ANK1: variants seen among roughly 807,000 people sequenced by gnomAD.
The protein encoded by ANK1 is ankyrin 1.
ANK1 carries 51 observed loss-of-function variants against 210.4 expected under a neutral mutation model. The observed-to-expected ratio is 0.24, with a 90% CI of 0.19 to 0.31. The LOEUF (loss-of-function observed/expected upper bound fraction) is 0.31. Ranked by LOEUF, ANK1 falls within the 10% of genes least tolerant of loss-of-function variation. The probability of loss-of-function intolerance (pLI) is 1.00; values close to 1 mark genes in which losing one functional copy is unlikely to be tolerated. For missense variants in ANK1, 2,051 were observed against 2,504.4 expected (o/e 0.82, Z 3.86); for synonymous variants, 967 against 1,025.9 (o/e 0.94, Z 1.10).
At chr8:41,896,372 G>A (rs531809537) in exon 1 of ANK1, 1 of 1,598,232 alleles carries the variant, frequency 6.3e-7, no homozygotes, top group Non-Finnish European at 8.5e-7. Flanking sequence ...TTTCGGTCAC[G>A]GGAGCGGTTT....
intron 17 of ANK1, 111 bp downstream of exon 17, chr8:41,708,667 T>TAC (rs199529192): frequency 5.7e-5 from 68 of 1,184,550 alleles, no homozygotes; most frequent in Non-Finnish European, 7.2e-5. Flanking sequence ...TTCCAAGGAT[T>TAC]ACACACACAC....
At chr8:41,823,023 T>G (rs915390111) in intron 1 of ANK1, among the ~76,000 whole-genome samples, 2 of 152,236 alleles carry the variant, frequency 1.3e-5, no homozygotes, top group Non-Finnish European at 2.9e-5. Flanking sequence ...CAGGCTGCTC[T>G]GAGCATGAGC....
intron 17 of ANK1, among the ~76,000 whole-genome samples, chr8:41,706,589 T>C (rs1391589289): frequency 1.3e-5 from 2 of 152,260 alleles, no homozygotes; most frequent in African/African-American, 4.8e-5. Context: ...GCCCATAGTT[T>C]GCTGACTTCT....
At chr8:41,761,545 C>A (rs1488730187) in intron 1 of ANK1, among the ~76,000 whole-genome samples, 1 of 152,182 alleles carries the variant, frequency 6.6e-6, no homozygotes, top group Non-Finnish European at 1.5e-5. Context: ...GAGTGTGTCC[C>A]TGTGGAGGCC....
chr8:41,714,326 T>A, intron 15 of ANK1, 72 bp from the exon 16 acceptor site: 1 of 1,171,180 alleles, frequency 8.5e-7, no homozygotes, highest in Non-Finnish European at 1.2e-6. Context: ...CCTTTAGGCA[T>A]GGGAGCACCT....
rs1025984278 is a variant in ANK1, at chr8:41,886,851, A to C, written c.126+9504T>G. Among the ~76,000 whole-genome samples, 4 of 152,174 alleles carry C rather than the reference A, an allele frequency of 2.6e-5. No homozygotes were observed. In the South Asian group the frequency reaches 8.3e-4, roughly 32 times the overall value. On this transcript the variant is annotated intron_variant, in intron 1 of 42. Transcript: ENST00000265709. ...AGCCACTGAAGGACTGAAAGAAGGGAGTGTCAGGATCTGATTTGCATTTTT... is the reference window on the plus strand; with the variant it reads ...AGCCACTGAAGGACTGAAAGAAGGGCGTGTCAGGATCTGATTTGCATTTTT...
intron 1 of ANK1, among the ~76,000 whole-genome samples, chr8:41,774,506 G>C (rs2150738535): frequency 6.6e-6 from 1 of 152,314 alleles, no homozygotes; most frequent in African/African-American, 2.4e-5. Context: ...CCCATCCCAG[G>C]GCCAGGGCCG....
chr8:41,730,597 A>G (rs1166658254), intron 3 of ANK1, among the ~76,000 whole-genome samples: 1 of 151,328 alleles, frequency 6.6e-6, no homozygotes, highest in Admixed American at 6.6e-5. Flanking sequence ...TTCCTCAGGT[A>G]TCCATTGGAG....
chr8:41,684,360 T>C, intron 37 of ANK1, 184 bp downstream of exon 37: 1 of 990,732 alleles, frequency 1.0e-6, no homozygotes, highest in East Asian at 2.4e-5. Flanking sequence ...GGAGCAGCCA[T>C]CTCTCTCTCC....
chr8:41,842,337 CA>C (rs374896854), intron 1 of ANK1, among the ~76,000 whole-genome samples: 28 of 152,134 alleles, frequency 1.8e-4, no homozygotes, highest in African/African-American at 6.7e-4. Flanking sequence ...ACTAAAAATA[CA>C]AAAAATTAGC....
upstream of ANK1, among the ~76,000 whole-genome samples, chr8:41,798,540 C>A (rs971007964): frequency 6.6e-6 from 1 of 152,200 alleles, no homozygotes; most frequent in Non-Finnish European, 1.5e-5. Context: ...CCGCCTTTTG[C>A]AACGTCCGCC....
intron 1 of ANK1, among the ~76,000 whole-genome samples, chr8:41,808,313 T>C (rs958285580): frequency 6.6e-6 from 1 of 152,178 alleles, no homozygotes; most frequent in African/African-American, 2.4e-5. Context: ...TGGAGTAAGA[T>C]GGTCTCAGTC....
chr8:41,800,026 A>T (rs1849616375), upstream of ANK1, among the ~76,000 whole-genome samples: 2 of 152,140 alleles, frequency 1.3e-5, no homozygotes, highest in Non-Finnish European at 2.9e-5. Flanking sequence ...TTCCCAAGTT[A>T]TCTGCCATAG....
At chr8:41,729,323 TA>T (rs1251161453) in intron 3 of ANK1, among the ~76,000 whole-genome samples, 1 of 152,230 alleles carries the variant, frequency 6.6e-6, no homozygotes, top group Non-Finnish European at 1.5e-5. Flanking sequence ...TTAAACTTTG[TA>T]AAAGATAAGA....
chr8:41,736,096 G>A (rs1179151768), intron 2 of ANK1, among the ~76,000 whole-genome samples: 2 of 152,158 alleles, frequency 1.3e-5, no homozygotes, highest in Admixed American at 6.5e-5. Context: ...CTTCTCACCC[G>A]GTGTCAATGA....
At chr8:41,818,939 C>T (rs80061455) in intron 1 of ANK1, among the ~76,000 whole-genome samples, 434 of 152,230 alleles carry the variant, frequency 2.9e-3, no homozygotes, top group African/African-American at 0.01. Context: ...CCAGACATGC[C>T]GGCAATGGAA....
chr8:41,783,311 G>A (rs1176097602), intron 1 of ANK1, among the ~76,000 whole-genome samples: 7 of 152,198 alleles, frequency 4.6e-5, no homozygotes, highest in African/African-American at 1.7e-4. Flanking sequence ...CCTCTTTGGA[G>A]AATTCTAATT....
rs1830918159 is a variant in ANK1, at chr8:41,727,149, A to G, written c.426+101T>C. 6 of 879,134 alleles carry G rather than the reference A, an allele frequency of 6.8e-6. No individual in the cohort carries two copies. In the South Asian group the frequency reaches 8.2e-5, roughly 12 times the overall value. 54.5% of individuals were successfully genotyped at this position (879,134 alleles called of 1,614,324 possible). On this transcript the variant is annotated intron_variant, in intron 5 of 42. Transcript: ENST00000289734. ...CGACCTGAAGGTCATCCATCATGACATGGATGCACCCCAAGCCACATCCCA... is the reference window on the plus strand; with the variant it reads ...CGACCTGAAGGTCATCCATCATGACGTGGATGCACCCCAAGCCACATCCCA...
intron 1 of ANK1, among the ~76,000 whole-genome samples, chr8:41,895,304 G>A (rs959381444): frequency 2.6e-5 from 4 of 151,928 alleles, no homozygotes; most frequent in South Asian, 2.1e-4. Context: ...CGACTTCTTC[G>A]GGTGAAAATA....
Sources: gnomAD v4.1 joint callset for allele counts (sites outside exome capture counted in the v4.1 genomes callset) on GRCh38, gnomAD v4.1.1 for gene constraint, MANE v1.5 for transcripts, NCBI Gene and HGNC (gene_info 2026-07-23, HGNC 2026-07-21) for gene names.